ELAVL3: variants seen among roughly 807,000 people sequenced by gnomAD.
ELAVL3 encodes the protein ELAV like RNA binding protein 3.
In ELAVL3, 8 loss-of-function variants were observed where a neutral mutation model predicts 34.2. The ratio of observed to expected loss-of-function variants is 0.23; its 90% confidence interval spans 0.14 to 0.42. The LOEUF (loss-of-function observed/expected upper bound fraction) is 0.42, where lower values mean the gene tolerates loss of function less well. Ranked by LOEUF, ELAVL3 falls within the 10% of genes least tolerant of loss-of-function variation. The pLI is 1.00. For synonymous variants in ELAVL3, 209 were observed against 222.1 expected, an observed-to-expected ratio of 0.94 and a Z score of 0.53; for missense variants, 273 against 518.8, an observed-to-expected ratio of 0.53 and a Z score of 4.60.
rs751148694 is a variant in ELAVL3, at chr19:11,466,789, GC to G, written c.47del (p.Gly16AlafsTer35). 118 of 1,600,406 alleles carry G rather than the reference GC, an allele frequency of 7.4e-5. No homozygotes were observed. The highest frequency in any genetic ancestry group is 2.3e-4 in the East Asian group (10 of 44,438). On this transcript the variant is annotated frameshift_variant, in exon 2 of 7. Transcript: ENST00000359227. LOFTEE classifies it high-confidence loss of function. The surrounding 1 kb of genome is among the most constrained non-coding windows in gnomAD (Gnocchi z 5.0). Reference sequence around the variant, plus strand: ...CGTTGGGCAGGGCCGGGCCGGCCGGGCCCCCCCCCACCTGAGACTCCATGGC... The same window carrying G: ...CGTTGGGCAGGGCCGGGCCGGCCGGGCCCCCCCCACCTGAGACTCCATGGC... Reference protein sequence around the residue: ...LGAMESQVGGGPAGPALPNGP... With the variant: ...LGAMESQVGGXPAGPALPNGP...
chr19:11,458,591 A>G lies in ELAVL3; in HGVS notation c.354T>C (p.Ser118=), dbSNP rs898020609. The part of the protein sequence containing the change: ...KTIKVSYARP[S]SASIRDANLY... ...GGTTAGCATCCCGGATGGATGCTGA[A>G]CTGGGTCTGGCATAGGACACCTGGG... Residue 118 remains serine (S), a synonymous_variant, in exon 4 of 7, where the codon AGT becomes AGC. Transcript: ENST00000359227. The surrounding 1 kb of genome is among the most constrained non-coding windows in gnomAD (Gnocchi z 7.3). 1.9e-6 allele frequency: 3 copies of G among 1,613,960 alleles called. No individual in the cohort carries two copies. In the Admixed American group the frequency reaches 5.0e-5, roughly 27 times the overall value.
rs978443086 is a variant in ELAVL3 at position 11,451,401 on chromosome 19, G to A, written c.*3125C>T. The A allele has an allele frequency of 2.0e-5, 3 of 150,694 alleles. No individual in the cohort carries two copies. The highest frequency in any genetic ancestry group is 4.9e-5 in the African/African-American group (2 of 40,996). 9.3% of individuals were successfully genotyped at this position (150,694 alleles called of 1,614,324 possible). A position where few individuals can be genotyped will look rare whatever the true frequency, so the allele number is the denominator to read the frequency against. On this transcript the variant is annotated 3_prime_UTR_variant, in exon 7 of 7. Transcript: ENST00000359227. ...CAATTCCATGTAAAAGTCTGTTACC[G>A]CGGCCAGGCCTGTGATCCCGGTAAT...
chr19:11,451,805 G>GC lies in ELAVL3; in HGVS notation c.*2720_*2721insG, dbSNP rs1261713480. On this transcript the variant is annotated 3_prime_UTR_variant, in exon 7 of 7. Coordinates refer to ENST00000359227, the MANE Select transcript of ELAVL3 (RefSeq NM_001420.4). ...TGGCAGGGGCCTAGGCCTCGGTGGG[G>GC]GGGGGGTGTGTGGGGAGGTGCCCCC... The GC allele has an allele frequency of 1.3e-5, 2 of 151,996 alleles. No homozygotes were observed. Among genetic ancestry groups the GC allele is most frequent in the Admixed American group, 6.5e-5 (1 of 15,278 alleles). The allele number at this position is 151,996 out of a possible 1,614,324, so 9.4% of individuals were successfully genotyped here.
In ELAVL3 at chr19:11,466,336, C is replaced by T; in HGVS notation, c.230-61G>A. 1 of 1,490,052 alleles carries T rather than the reference C, an allele frequency of 6.7e-7. No homozygotes were observed. The highest frequency in any genetic ancestry group is 9.4e-7 in the Non-Finnish European group (1 of 1,068,722). The allele number at this position is 1,490,052 out of a possible 1,614,324, so 92.3% of individuals were successfully genotyped here. ...AGCCTTGACACCTGCCAGTGTCCCACCTCAGGCCTGAGAGACTGTCCCCTC... is the reference window on the plus strand; with the variant it reads ...AGCCTTGACACCTGCCAGTGTCCCATCTCAGGCCTGAGAGACTGTCCCCTC... On this transcript the variant is annotated intron_variant, in intron 2 of 6. Coordinates refer to ENST00000359227, the MANE Select transcript of ELAVL3 (RefSeq NM_001420.4). The surrounding 1 kb of genome is among the most constrained non-coding windows in gnomAD (Gnocchi z 5.0).
chr19:11,460,559 T>C (rs1970862191), intron 3 of ELAVL3, among the ~76,000 whole-genome samples: 1 of 152,016 alleles, frequency 6.6e-6, no homozygotes, highest in Non-Finnish European at 1.5e-5. Context: ...AATTACTGTG[T>C]TCCAGCAACT....
At position 11,458,190 on chromosome 19, in the gene ELAVL3, G is replaced by C. The variant is rs372549324; in HGVS notation, c.584C>G (p.Ala195Gly). The change falls in exon 5 of 7, where the codon GCT becomes GGT. Residue 195 changes from alanine to glycine, a missense_variant. Ala to Gly is a moderately conservative substitution (Grantham distance 60). Around this residue, in one of 4 missense-constraint regions of ELAVL3, gnomAD observed 102 missense variants for 250.1 expected, o/e 0.41. Coordinates refer to ENST00000359227, the MANE Select transcript of ELAVL3 (RefSeq NM_001420.4). This position sits in a 1 kb window ranked among gnomAD's most constrained non-coding sequence, Gnocchi z 7.3. ...CGCGAACTTGACTGTGATGGGCTCA[G>C]CTGCGCCCAGCGGCTTCTGCCCATT... ...GLNGQKPLGA[A>G]EPITVKFANN... 3.7e-6 allele frequency: 6 copies of C among 1,614,148 alleles called. No homozygotes were observed. The highest frequency in any genetic ancestry group is 5.1e-6 in the Non-Finnish European group (6 of 1,180,020).
chr19:11,470,463 C>T (rs530166462), intron 1 of ELAVL3, among the ~76,000 whole-genome samples: 2 of 150,642 alleles, frequency 1.3e-5, no homozygotes, highest in African/African-American at 4.9e-5. Flanking sequence ...GTCGGGAGTT[C>T]GAGACCAGCC....
At position 11,458,068 on chromosome 19, in the gene ELAVL3, G is replaced by A; in HGVS notation, c.706C>T (p.Arg236Cys). The change falls in exon 5 of 7, where the codon CGT becomes TGT. Residue 236 changes from arginine to cysteine, a missense_variant. Physicochemically the swap from Arg to Cys is radical, Grantham distance 180. Around this residue, in one of 4 missense-constraint regions of ELAVL3, gnomAD observed 79 missense variants for 108.2 expected, o/e 0.73. Transcript: ENST00000359227. The surrounding 1 kb of genome is among the most constrained non-coding windows in gnomAD (Gnocchi z 7.3). ...GGCTGGCAGGGGGCTCACCGGAAAC[G>A]CTGGGTCTGATGGTGTAGGGGGCCT... ...YAGPLHHQTQRFRLDNLLNMA... is the reference protein window; with the variant it reads ...YAGPLHHQTQCFRLDNLLNMA... 6.2e-7 allele frequency: 1 copy of A among 1,612,212 alleles called. No individual in the cohort carries two copies. Among genetic ancestry groups the A allele is most frequent in the Non-Finnish European group, 8.5e-7 (1 of 1,180,010 alleles).
At chr19:11,478,176 G>C (rs1272659621) in intron 1 of ELAVL3, among the ~76,000 whole-genome samples, 1 of 152,144 alleles carries the variant, frequency 6.6e-6, no homozygotes, top group South Asian at 2.1e-4. Flanking sequence ...CTCCTGATCC[G>C]ATGACCCTAG....
At chr19:11,468,690 T>G (rs1381755339) in intron 1 of ELAVL3, among the ~76,000 whole-genome samples, 2 of 151,800 alleles carry the variant, frequency 1.3e-5, no homozygotes, top group African/African-American at 2.4e-5. Context: ...CCTGCCAAAG[T>G]GCTGGGATTA....
At chr19:11,464,617 C>T (rs1006296660) in intron 3 of ELAVL3, among the ~76,000 whole-genome samples, 1 of 145,184 alleles carries the variant, frequency 6.9e-6, no homozygotes, top group Non-Finnish European at 1.5e-5. Context: ...ACCACACACA[C>T]CACACACACA....
At chr19:11,476,144 C>T (rs1034967934) in intron 1 of ELAVL3, among the ~76,000 whole-genome samples, 5 of 152,184 alleles carry the variant, frequency 3.3e-5, no homozygotes, top group African/African-American at 9.7e-5. Flanking sequence ...CTTAACTGAT[C>T]GCGTAACCAT....
intron 1 of ELAVL3, among the ~76,000 whole-genome samples, chr19:11,475,969 T>C (rs1276063882): frequency 6.6e-6 from 1 of 152,094 alleles, no homozygotes; most frequent in African/African-American, 2.4e-5. Context: ...GCATCTCCAA[T>C]TGGCTGAGTT....
In ELAVL3 at chr19:11,458,107, C is replaced by A. The variant is rs776673408; in HGVS notation, c.667G>T (p.Ala223Ser). 2 of 1,613,928 alleles carry A rather than the reference C, an allele frequency of 1.2e-6. No individual in the cohort carries two copies. The highest frequency in any genetic ancestry group is 2.2e-5 in the South Asian group (2 of 91,090). Reference protein sequence around the residue: ...ALLTHLYQSSARRYAGPLHHQ... With the variant: ...ALLTHLYQSSSRRYAGPLHHQ... ...TGTAGGGGGCCTGCGTAGCGCCGGG[C>A]GGATGACTGGTAGAGGTGGGTGAGC... Residue 223 changes from alanine to serine, a missense_variant, in exon 5 of 7, where the codon GCC (alanine) becomes TCC (serine). Ala to Ser is a moderately conservative substitution (Grantham distance 99). Coordinates refer to ENST00000359227, the MANE Select transcript of ELAVL3 (RefSeq NM_001420.4). This position sits in a 1 kb window ranked among gnomAD's most constrained non-coding sequence, Gnocchi z 7.3.
intron 3 of ELAVL3, among the ~76,000 whole-genome samples, chr19:11,459,240 A>G (rs765710250): frequency 3.3e-5 from 5 of 150,722 alleles, no homozygotes; most frequent in African/African-American, 9.8e-5. Context: ...CTCCTGCCTC[A>G]GCCTCCTGAC....
Position 11,480,321 on chromosome 19 carries a change from C to G in ELAVL3, c.9+279G>C, listed in dbSNP as rs949214170. 350 of 388,634 alleles carry G rather than the reference C, an allele frequency of 9.0e-4. 3 individuals are homozygous for G. The highest frequency in any genetic ancestry group is 6.0e-3 in the African/African-American group (288 of 48,150). The allele number at this position is 388,634 out of a possible 1,614,324, so 24.1% of individuals were successfully genotyped here. On this transcript the variant is annotated intron_variant, in intron 1 of 6. Coordinates refer to ENST00000359227, the MANE Select transcript of ELAVL3 (RefSeq NM_001420.4). This position sits in a 1 kb window ranked among gnomAD's most constrained non-coding sequence, Gnocchi z 6.8. ...CGCCGCGGCCCCTCCCCCATCAGGC[C>G]TGCTGGAGAGGGGGCAATCCCGCCT...
chr19:11,475,582 G>A (rs1971246750), intron 1 of ELAVL3, among the ~76,000 whole-genome samples: 1 of 151,422 alleles, frequency 6.6e-6, no homozygotes, highest in Non-Finnish European at 1.5e-5. Context: ...GGGAGTACAG[G>A]CATGAGTCAC....
intron 1 of ELAVL3, among the ~76,000 whole-genome samples, chr19:11,476,174 G>A (rs1385844894): frequency 1.3e-5 from 2 of 152,182 alleles, no homozygotes; most frequent in African/African-American, 2.4e-5. Flanking sequence ...TGCCTGTTGT[G>A]TGCCAGGAAA....
At chr19:11,467,806 T>C (rs1212278424) in intron 1 of ELAVL3, among the ~76,000 whole-genome samples, 2 of 144,430 alleles carry the variant, frequency 1.4e-5, no homozygotes, top group African/African-American at 2.6e-5. Context: ...GCTTTTATTT[T>C]AGAAAAAGGG....
Sources: gnomAD v4.1 joint callset for allele counts (sites outside exome capture counted in the v4.1 genomes callset) on GRCh38, gnomAD v4.1.1 for gene constraint, gnomAD v4.1.1 regional missense constraint, Gnocchi (gnomAD v3.1) non-coding constraint, MANE v1.5 for transcripts, NCBI Gene and HGNC (gene_info 2026-07-23, HGNC 2026-07-21) for gene names.